PRKN: variants seen among roughly 807,000 people sequenced by gnomAD.
The protein encoded by PRKN is E3 ubiquitin-protein ligase parkin.
PRKN carries 56 observed loss-of-function variants against 59.5 expected under a neutral mutation model. The observed-to-expected ratio is 0.94, with a 90% CI of 0.76 to 1.18. The LOEUF (loss-of-function observed/expected upper bound fraction) is 1.18, where lower values mean the gene tolerates loss of function less well. Ranked by LOEUF, PRKN falls within the 50% of genes most tolerant of loss-of-function variation. The pLI is 0.00. For missense variants in PRKN, 657 were observed against 596.4 expected, an observed-to-expected ratio of 1.10 and a Z score of -1.06; for synonymous variants, 250 against 222.1, an observed-to-expected ratio of 1.13 and a Z score of -1.12.
intron 6 of PRKN, among the ~76,000 whole-genome samples, chr6:161,815,627 T>C (rs1791742703): frequency 6.6e-6 from 1 of 152,176 alleles, no homozygotes; most frequent in South Asian, 2.1e-4. Context: ...GGGACAAAGG[T>C]CCGTGAGAGA....
intron 7 of PRKN, among the ~76,000 whole-genome samples, chr6:161,764,411 A>G (rs1405356068): frequency 6.6e-6 from 1 of 152,150 alleles, no homozygotes; most frequent in African/African-American, 2.4e-5. Flanking sequence ...TTAAGGACAC[A>G]CTTTATAAAT....
At position 161,533,465 on chromosome 6, in the gene PRKN, A is replaced by G. The variant is rs1252257626; in HGVS notation, c.1083+15389T>C. 6.6e-6 allele frequency among the ~76,000 whole-genome samples: 1 copy of G among 152,174 alleles called. No homozygotes were observed. The highest frequency in any genetic ancestry group is 1.5e-5 in the Non-Finnish European group (1 of 68,024). On this transcript the variant is annotated intron_variant, in intron 9 of 11. Coordinates refer to ENST00000366898, the MANE Select transcript of PRKN (RefSeq NM_004562.3). This position sits in a 1 kb window ranked among gnomAD's most constrained non-coding sequence, Gnocchi z 4.1. Reference sequence around the variant, plus strand: ...AGGAATATACTACCTGGGACTAGCCATGTTCAAAATGGCGGCTCCATCTTC... The same window carrying G: ...AGGAATATACTACCTGGGACTAGCCGTGTTCAAAATGGCGGCTCCATCTTC...
chr6:162,421,118 C>A (rs772065015), intron 2 of PRKN, among the ~76,000 whole-genome samples: 3 of 152,130 alleles, frequency 2.0e-5, no homozygotes, highest in African/African-American at 4.8e-5. Context: ...TTCTCCTTAA[C>A]AGAACTCCAG....
Position 161,386,157 on chromosome 6 carries a change from T to G in PRKN, c.1167+637A>C, listed in dbSNP as rs1037624474. The stretch of plus-strand genomic sequence containing the variant: ...AACATCTACATTGGGAGAAAAATAA[T>G]GAGCAAATTCATCTACTGTGATGAC... On this transcript the variant is annotated intron_variant, in intron 10 of 11. Coordinates refer to ENST00000366898, the MANE Select transcript of PRKN (RefSeq NM_004562.3). This position sits in a 1 kb window ranked among gnomAD's most constrained non-coding sequence, Gnocchi z 4.3. Among the ~76,000 whole-genome samples, 1 of 152,228 alleles carries G rather than the reference T, an allele frequency of 6.6e-6. No individual in the cohort carries two copies. Among genetic ancestry groups the G allele is most frequent in the African/African-American group, 2.4e-5 (1 of 41,470 alleles).
intron 9 of PRKN, among the ~76,000 whole-genome samples, chr6:161,415,834 C>G (rs1337795696): frequency 1.3e-5 from 2 of 151,872 alleles, no homozygotes; most frequent in Non-Finnish European, 2.9e-5. Context: ...CTCCCCACTG[C>G]GTCCCTCTCT....
At chr6:162,188,699 A>AG (rs139889317) in intron 4 of PRKN, among the ~76,000 whole-genome samples, 9,274 of 151,988 alleles carry the variant, frequency 0.061, 893 homozygotes, top group African/African-American at 0.2. Flanking sequence ...TTAATACAGA[A>AG]GGAAAGCCCT....
At chr6:161,426,088 G>A (rs879490904) in intron 9 of PRKN, among the ~76,000 whole-genome samples, 12 of 151,904 alleles carry the variant, frequency 7.9e-5, no homozygotes, top group Non-Finnish European at 1.5e-4. Context: ...AGCGTTGTAG[G>A]AGCAAAAAAT....
At chr6:161,865,278 CTT>C (rs1794068323) in intron 6 of PRKN, among the ~76,000 whole-genome samples, 1 of 152,088 alleles carries the variant, frequency 6.6e-6, no homozygotes, top group African/African-American at 2.4e-5. Context: ...TTGTTGTTCC[CTT>C]TATAGAGCAC....
intron 2 of PRKN, among the ~76,000 whole-genome samples, chr6:162,268,247 C>CATGAAG (rs1295517100): frequency 6.6e-6 from 1 of 152,126 alleles, no homozygotes; most frequent in Non-Finnish European, 1.5e-5. Context: ...AATGTGATTG[C>CATGAAG]ATGAAGAGGT....
intron 1 of PRKN, among the ~76,000 whole-genome samples, chr6:162,493,710 C>T (rs577462316): frequency 2.6e-5 from 4 of 152,242 alleles, no homozygotes; most frequent in Admixed American, 1.3e-4. Flanking sequence ...CATCCTTTGA[C>T]GAAAGCGTCC....
At chr6:161,616,581 G>GC (rs1782704356) in intron 7 of PRKN, among the ~76,000 whole-genome samples, 1 of 151,814 alleles carries the variant, frequency 6.6e-6, no homozygotes, top group African/African-American at 2.4e-5. Context: ...CACCCAACGG[G>GC]CCCCAGTGTG....
intron 7 of PRKN, among the ~76,000 whole-genome samples, chr6:161,635,227 G>T (rs370772944): frequency 9.9e-5 from 15 of 152,032 alleles, no homozygotes; most frequent in Admixed American, 7.9e-4. Context: ...CTGTAAATAA[G>T]GTGCAAACAA....
chr6:161,847,786 C>A (rs1023868537), intron 6 of PRKN, among the ~76,000 whole-genome samples: 8 of 152,132 alleles, frequency 5.3e-5, no homozygotes, highest in African/African-American at 1.7e-4. Context: ...ATGTCATAAA[C>A]CCTAGGCATA....
chr6:162,094,683 C>T (rs562258870), intron 4 of PRKN, among the ~76,000 whole-genome samples: 3 of 151,984 alleles, frequency 2.0e-5, no homozygotes, highest in African/African-American at 4.8e-5. Flanking sequence ...CAAGCTCTCT[C>T]GGTAACATTG....
At chr6:162,503,132 A>ATTT (rs1314559813) in intron 1 of PRKN, among the ~76,000 whole-genome samples, 76 of 86,542 alleles carry the variant, frequency 8.8e-4, no homozygotes, top group African/African-American at 3.3e-3. Flanking sequence ...AATAGTCTTC[A>ATTT]TTTCTTTTTT....
rs543930062 is a variant in PRKN at position 161,550,723 on chromosome 6, A to ATGTGTGTGTG, written c.934-1730_934-1721dup. ...GGACAACTGTGGTAGAAGAAAGGGT[A>ATGTGTGTGTG]TGTGTGTGTGTGCACGTGTGTGTGT... On this transcript the variant is annotated intron_variant, in intron 8 of 11. Coordinates refer to ENST00000366898, the MANE Select transcript of PRKN (RefSeq NM_004562.3). The surrounding 1 kb of genome is among the most constrained non-coding windows in gnomAD (Gnocchi z 4.0). Among the ~76,000 whole-genome samples, 9 of 119,350 alleles carry ATGTGTGTGTG rather than the reference A, an allele frequency of 7.5e-5. No individual in the cohort carries two copies. The highest frequency in any genetic ancestry group is 2.9e-4 in the African/African-American group (9 of 31,564). 78.3% of individuals were successfully genotyped at this position (119,350 alleles called of 152,430 possible). A position where few individuals can be genotyped will look rare whatever the true frequency, so the allele number is the denominator to read the frequency against.
chr6:162,027,020 AAAG>A (rs1468381120), intron 5 of PRKN, among the ~76,000 whole-genome samples: 1 of 152,180 alleles, frequency 6.6e-6, no homozygotes, highest in Non-Finnish European at 1.5e-5. Flanking sequence ...TGAAACTAAA[AAAG>A]AGAGATAAGC....
intron 2 of PRKN, among the ~76,000 whole-genome samples, chr6:162,424,415 T>G (rs879364440): frequency 2.6e-5 from 4 of 152,130 alleles, no homozygotes; most frequent in Non-Finnish European, 4.4e-5. Flanking sequence ...GACAATGATG[T>G]GTCAATGACC....
chr6:161,454,706 A>G lies in PRKN; in HGVS notation c.1084-67829T>C, dbSNP rs950169832. Among the ~76,000 whole-genome samples, 1 of 152,178 alleles carries G rather than the reference A, an allele frequency of 6.6e-6. No individual in the cohort carries two copies. Among genetic ancestry groups the G allele is most frequent in the Non-Finnish European group, 1.5e-5 (1 of 68,040 alleles). ...GCCAGTGTGAGAAATCCAGCCCACCATTAGGGCTACTGAAGTCCCATTAGG... is the reference window on the plus strand; with the variant it reads ...GCCAGTGTGAGAAATCCAGCCCACCGTTAGGGCTACTGAAGTCCCATTAGG... On this transcript the variant is annotated intron_variant, in intron 9 of 11. Transcript: ENST00000366898. This position sits in a 1 kb window ranked among gnomAD's most constrained non-coding sequence, Gnocchi z 4.6.
Sources: gnomAD v4.1 joint callset for allele counts (sites outside exome capture counted in the v4.1 genomes callset) on GRCh38, gnomAD v4.1.1 for gene constraint, Gnocchi (gnomAD v3.1) non-coding constraint, MANE v1.5 for transcripts, NCBI Gene and HGNC (gene_info 2026-07-23, HGNC 2026-07-21) for gene names.